The following C16orf96 variants were observed in gnomAD, a reference collection of about 807,000 sequenced individuals.
The protein encoded by C16orf96 is uncharacterized protein C16orf96.
Under a neutral mutation model 103.6 loss-of-function variants are expected in C16orf96, and 108 were observed. The ratio of observed to expected loss-of-function variants is 1.04; its 90% CI spans 0.89 to 1.22. The LOEUF (loss-of-function observed/expected upper bound fraction) is 1.22, where lower values mean the gene tolerates loss of function less well. C16orf96 is among the 50% of genes most tolerant of loss of function. C16orf96 has a pLI of 0.00. For synonymous variants in C16orf96, 566 were observed against 593.5 expected, an observed-to-expected ratio of 0.95 and a Z score of 0.67; for missense variants, 1,586 against 1,464.2, an observed-to-expected ratio of 1.08 and a Z score of -1.36.
chr16:4,579,672 C>T (rs2059559370), intron 6 of C16orf96, among the ~76,000 whole-genome samples: 1 of 147,016 alleles, frequency 6.8e-6, no homozygotes, highest in Admixed American at 6.8e-5. Flanking sequence ...AGTGCAGTGG[C>T]GTGACCTCAG....
Position 4,575,060 on chromosome 16 carries a change from T to C in C16orf96, c.693+2T>C, listed in dbSNP as rs2059484779. 1 of 1,551,218 alleles carries C rather than the reference T, an allele frequency of 6.4e-7. No homozygotes were observed. The highest frequency in any genetic ancestry group is 8.7e-7 in the Non-Finnish European group (1 of 1,146,928). Reference sequence around the variant, plus strand: ...CTTCATGATGCCATGTTCACCTCAGTGAGTGAGGAAGGAAGGGGAGGTTAG... The same window carrying C: ...CTTCATGATGCCATGTTCACCTCAGCGAGTGAGGAAGGAAGGGGAGGTTAG... On this transcript the variant is annotated splice_donor_variant, in intron 4 of 15. Transcript: ENST00000444310. LOFTEE classifies it high-confidence loss of function.
rs2059477581 is a variant in C16orf96 at position 4,574,566 on chromosome 16, G to A, written c.526-143G>A. On this transcript the variant is annotated intron_variant, in intron 2 of 15. Coordinates refer to ENST00000444310, the MANE Select transcript of C16orf96 (RefSeq NM_001145011.2). ...GCATTTCCCAAACTTGTTTGCCCAT[G>A]GAACCCTTTCCCACTCCTTGGGAAA... 1.5e-5 allele frequency: 10 copies of A among 670,298 alleles called. No individual in the cohort carries two copies. In the South Asian group the frequency reaches 1.7e-4, roughly 11 times the overall value. 41.5% of individuals were successfully genotyped at this position (670,298 alleles called of 1,614,324 possible). A position where few individuals can be genotyped will look rare whatever the true frequency, so the allele number is the denominator to read the frequency against.
Position 4,579,938 on chromosome 16 carries a change from A to G in C16orf96, c.2242-77A>G, listed in dbSNP as rs559303248. The G allele has an allele frequency of 1.4e-4, 175 of 1,259,178 alleles. No individual in the cohort carries two copies. The African/African-American group carries it at 2.5e-3, about 18-fold the overall frequency. 78.0% of individuals were successfully genotyped at this position (1,259,178 alleles called of 1,614,324 possible). A position where few individuals can be genotyped will look rare whatever the true frequency, so the allele number is the denominator to read the frequency against. On this transcript the variant is annotated intron_variant, in intron 6 of 15. Coordinates refer to ENST00000444310, the MANE Select transcript of C16orf96 (RefSeq NM_001145011.2). ...GTCTGGTACATTCTTCTTGGCCTCA[A>G]CCCTCCCTCAGGCCCCTTCCCGGCC...
chr16:4,575,133 G>A, intron 4 of C16orf96, 41 bp from the exon 5 acceptor site: 1 of 1,546,600 alleles, frequency 6.5e-7, no homozygotes, highest in South Asian at 1.2e-5. Flanking sequence ...TGGGAGGCGG[G>A]GCTGGAAGCC....
chr16:4,567,247 C>A (rs1228907898), intron 1 of C16orf96, among the ~76,000 whole-genome samples: 1 of 145,428 alleles, frequency 6.9e-6, no homozygotes. Flanking sequence ...ATTTCTATTT[C>A]TATTGTGATT....
At position 4,574,056 on chromosome 16, in the gene C16orf96, A is replaced by G. The variant is rs1008695644; in HGVS notation, c.526-653A>G. Among the ~76,000 whole-genome samples the G allele has an allele frequency of 1.3e-4, 19 of 151,982 alleles. 1 individual carries two copies. The highest frequency in any genetic ancestry group is 2.4e-4 in the Non-Finnish European group (16 of 67,996). On this transcript the variant is annotated intron_variant, in intron 2 of 15. Coordinates refer to ENST00000444310, the MANE Select transcript of C16orf96 (RefSeq NM_001145011.2). ...CACCACATTGGTCAGGCTGGTCCCG[A>G]ACTCCTGAACTCATGATCCACCCGC...
intron 1 of C16orf96, among the ~76,000 whole-genome samples, chr16:4,570,022 C>T (rs181394319): frequency 3.8e-4 from 58 of 152,314 alleles, no homozygotes; most frequent in African/African-American, 1.3e-3. Flanking sequence ...GTATCCCCTA[C>T]GTCTTAAAAG....
At chr16:4,598,715 T>C (rs1897225006) in intron 14 of C16orf96, among the ~76,000 whole-genome samples, 2 of 152,198 alleles carry the variant, frequency 1.3e-5, no homozygotes, top group South Asian at 4.1e-4. Context: ...CCTGCCAGCA[T>C]TTCACCTGTG....
chr16:4,590,672 C>T (rs1410285242), intron 9 of C16orf96, among the ~76,000 whole-genome samples: 1 of 151,380 alleles, frequency 6.6e-6, no homozygotes, highest in African/African-American at 2.4e-5. Context: ...ATCATGAAGT[C>T]AGGAGTTTGA....
At chr16:4,576,730 A>G (rs992955738) in intron 5 of C16orf96, 95 bp downstream of exon 5, 3 of 1,213,308 alleles carry the variant, frequency 2.5e-6, no homozygotes, top group Admixed American at 2.8e-5. Flanking sequence ...GGCTCCACCA[A>G]CAAAATCTGC....
chr16:4,563,440 A>G (rs1278380411), intron 1 of C16orf96, among the ~76,000 whole-genome samples: 1 of 152,132 alleles, frequency 6.6e-6, no homozygotes, highest in African/African-American at 2.4e-5. Flanking sequence ...TTTTTTGTAG[A>G]GACAGGGTGT....
chr16:4,568,749 C>T (rs2059407307), intron 1 of C16orf96, among the ~76,000 whole-genome samples: 1 of 151,368 alleles, frequency 6.6e-6, no homozygotes, highest in Non-Finnish European at 1.5e-5. Context: ...CCATCTCATC[C>T]TCCCAGGGAC....
intron 5 of C16orf96, among the ~76,000 whole-genome samples, chr16:4,578,365 A>T (rs1031236936): frequency 1.3e-5 from 2 of 151,928 alleles, no homozygotes; most frequent in Non-Finnish European, 2.9e-5. Context: ...CTGGTCTCAA[A>T]CTCCTGATCC....
chr16:4,542,925 T>C, the C16orf96 span, among the ~76,000 whole-genome samples: 4 of 152,222 alleles, frequency 2.6e-5, no homozygotes, highest in Non-Finnish European at 5.9e-5. Context: ...TAGCCACATA[T>C]GGCTTGTGGC....
chr16:4,599,325 C>A lies in C16orf96; in HGVS notation c.3169C>A (p.Arg1057Ser). 6.4e-7 allele frequency: 1 copy of A among 1,551,652 alleles called. No homozygotes were observed. The highest frequency in any genetic ancestry group is 2.4e-5 in the East Asian group (1 of 40,902). Residue 1057 changes from arginine to serine, a missense_variant, in exon 15 of 16, where the codon CGT (arginine) becomes AGT (serine). Arg to Ser is a moderately radical substitution (Grantham distance 110). Transcript: ENST00000444310. Reference protein sequence around the residue: ...PSPPSQSLYDRVHSSALFGAI... With the variant: ...PSPPSQSLYDSVHSSALFGAI... ...TCCCCCGTCACAAAGCCTGTATGACCGTGTGCACTCCAGTGCCCTATTTGG... is the reference window on the plus strand; with the variant it reads ...TCCCCCGTCACAAAGCCTGTATGACAGTGTGCACTCCAGTGCCCTATTTGG...
At chr16:4,544,613 A>T in the C16orf96 span, among the ~76,000 whole-genome samples, 1 of 152,094 alleles carries the variant, frequency 6.6e-6, no homozygotes, top group Non-Finnish European at 1.5e-5. Flanking sequence ...TGTCTGAAAA[A>T]TAGGTATATT....
intron 15 of C16orf96, among the ~76,000 whole-genome samples, chr16:4,599,761 A>G (rs1897246345): frequency 6.6e-6 from 1 of 152,224 alleles, no homozygotes; most frequent in Non-Finnish European, 1.5e-5. Flanking sequence ...TTCACAGAGG[A>G]GGGAGCAGAG....
the C16orf96 span, among the ~76,000 whole-genome samples, chr16:4,543,766 C>G: frequency 6.6e-6 from 1 of 152,026 alleles, no homozygotes; most frequent in Non-Finnish European, 1.5e-5. Flanking sequence ...CTCAGCCATC[C>G]AAGTAGCTGG....
chr16:4,570,909 C>T (rs1036110335), intron 1 of C16orf96, among the ~76,000 whole-genome samples: 5 of 152,146 alleles, frequency 3.3e-5, no homozygotes, highest in African/African-American at 1.2e-4. Context: ...AAATACAGAC[C>T]GGGTGCTGTG....
Sources: gnomAD v4.1 joint callset for allele counts (sites outside exome capture counted in the v4.1 genomes callset) on GRCh38, gnomAD v4.1.1 for gene constraint, MANE v1.5 for transcripts, NCBI Gene and HGNC (gene_info 2026-07-23, HGNC 2026-07-21) for gene names.